The following PCDHA4 variants were observed in gnomAD, a reference collection of about 807,000 sequenced individuals.
PCDHA4 encodes protocadherin alpha-4.
A neutral mutation model predicts 61.4 loss-of-function variants in PCDHA4; 49 were observed. The ratio of observed to expected loss-of-function variants is 0.80; its 90% CI spans 0.63 to 1.01. PCDHA4 has a LOEUF of 1.01. Ranked by LOEUF, PCDHA4 falls within the 50% of genes least tolerant of loss-of-function variation. The pLI, the probability that PCDHA4 is intolerant of heterozygous loss-of-function variation, is 0.00. For synonymous variants in PCDHA4, 590 were observed against 550.3 expected, an observed-to-expected ratio of 1.07 and a Z score of -1.01; for missense variants, 1,254 against 1,235.8, an observed-to-expected ratio of 1.01 and a Z score of -0.22.
At chr5:140,927,975 C>T in intron 1 of PCDHA4, 2 of 1,614,244 alleles carry the variant, frequency 1.2e-6, no homozygotes, top group Non-Finnish European at 1.7e-6. Context: ...TGATTGCTCT[C>T]TTTAGTGTAA....
chr5:140,980,598 C>G (rs574589264), intron 2 of PCDHA4, among the ~76,000 whole-genome samples: 1 of 152,152 alleles, frequency 6.6e-6, no homozygotes, highest in South Asian at 2.1e-4. Flanking sequence ...CCACTGCACT[C>G]CAGCCTGGCG....
At chr5:140,884,496 G>T (rs782182672) in intron 1 of PCDHA4, 1 of 1,614,094 alleles carries the variant, frequency 6.2e-7, no homozygotes, top group Non-Finnish European at 8.5e-7. Flanking sequence ...GTGTGCTCCA[G>T]CGCGGCAGGG....
chr5:140,884,479 C>T, intron 1 of PCDHA4: 1 of 1,613,914 alleles, frequency 6.2e-7, no homozygotes, highest in Non-Finnish European at 8.5e-7. Context: ...CGGGCAAGCC[C>T]ACTCTAGTGT....
In PCDHA4 at chr5:140,900,434, C is replaced by T. The variant is rs545919996; in HGVS notation, c.2386-78515C>T. On this transcript the variant is annotated intron_variant, in intron 1 of 3. Transcript: ENST00000530339. Reference sequence around the variant, plus strand: ...CTGGGATTATAGGCACGTGCCACCACGGCCGGCTAATTTTTTATTTTTAGT... The same window carrying T: ...CTGGGATTATAGGCACGTGCCACCATGGCCGGCTAATTTTTTATTTTTAGT... Among the ~76,000 whole-genome samples, 18 of 152,264 alleles carry T rather than the reference C, an allele frequency of 1.2e-4. No individual in the cohort carries two copies. The East Asian group carries it at 2.5e-3, about 21-fold the overall frequency.
chr5:140,843,338 G>T (rs2150357785), intron 1 of PCDHA4: 1 of 1,596,002 alleles, frequency 6.3e-7, no homozygotes, highest in Non-Finnish European at 8.6e-7. Flanking sequence ...GGTGGAGAGC[G>T]GCCAGGCTCC....
chr5:140,973,073 C>T (rs1372527958), intron 1 of PCDHA4, among the ~76,000 whole-genome samples: 1 of 151,988 alleles, frequency 6.6e-6, no homozygotes, highest in Non-Finnish European at 1.5e-5. Context: ...TCTCAGTGGG[C>T]CCAGCTGGCA....
Position 140,965,675 on chromosome 5 carries a change from A to C in PCDHA4, c.2386-13274A>C, listed in dbSNP as rs1049081993. 1.3e-4 allele frequency among the ~76,000 whole-genome samples: 20 copies of C among 152,350 alleles called. No homozygotes were observed. The Middle Eastern group carries it at 0.01, about 78-fold the overall frequency. ...AAATGTCTTGGGTGATAAATGTAAA[A>C]GATTTGAAGCAAGATTAGAAAAAGC... On this transcript the variant is annotated intron_variant, in intron 1 of 3. Transcript: ENST00000530339.
chr5:140,825,124 C>T (rs1214733618), intron 1 of PCDHA4: 1 of 151,608 alleles, frequency 6.6e-6, no homozygotes, highest in African/African-American at 2.4e-5. Context: ...TTCCCTACCC[C>T]CTTAAAAAAC....
intron 1 of PCDHA4, chr5:140,824,613 T>TG (rs1768224029): frequency 8.2e-6 from 1 of 122,680 alleles, no homozygotes; most frequent in East Asian, 2.1e-4. Flanking sequence ...AATTAAAGTT[T>TG]TTTTTTTTTT....
At chr5:140,881,085 A>G (rs1554171740) in intron 1 of PCDHA4, among the ~76,000 whole-genome samples, 1 of 152,156 alleles carries the variant, frequency 6.6e-6, no homozygotes, top group East Asian at 1.9e-4. Flanking sequence ...GCTATGATAT[A>G]TTTTTCATTA....
intron 1 of PCDHA4, among the ~76,000 whole-genome samples, chr5:140,871,851 A>G (rs561924103): frequency 6.6e-6 from 1 of 152,382 alleles, no homozygotes; most frequent in East Asian, 1.9e-4. Flanking sequence ...AATTATGACC[A>G]TAATAACTAT....
At chr5:140,873,592 T>G (rs936003894) in intron 1 of PCDHA4, among the ~76,000 whole-genome samples, 1 of 152,234 alleles carries the variant, frequency 6.6e-6, no homozygotes, top group African/African-American at 2.4e-5. Flanking sequence ...TAAGCTAAAC[T>G]TAGATGTTCC....
chr5:140,921,283 C>T (rs1484079224), intron 1 of PCDHA4, among the ~76,000 whole-genome samples: 2 of 151,974 alleles, frequency 1.3e-5, no homozygotes, highest in Non-Finnish European at 2.9e-5. Flanking sequence ...TTGAAAAAAA[C>T]CTCAAATTTG....
chr5:140,856,541 G>T lies in PCDHA4; in HGVS notation c.2385+46969G>T, dbSNP rs1554148841. 5.0e-6 allele frequency: 8 copies of T among 1,598,164 alleles called. 2 individuals carry two copies. Among genetic ancestry groups the T allele is most frequent in the South Asian group, 4.4e-5 (4 of 90,522 alleles). On this transcript the variant is annotated intron_variant, in intron 1 of 3. Transcript: ENST00000530339. ...ATCTGATGCGGATGTTGGAGAGAAC[G>T]CATTGCTTACTTACAAACTCAGTCC...
chr5:140,941,936 T>G (rs901567070), intron 1 of PCDHA4, among the ~76,000 whole-genome samples: 7 of 152,362 alleles, frequency 4.6e-5, no homozygotes, highest in Non-Finnish European at 7.3e-5. Flanking sequence ...ATATTTGAAT[T>G]ACTTTTGTTT....
chr5:140,957,333 A>T (rs2095351211), intron 1 of PCDHA4, among the ~76,000 whole-genome samples: 1 of 152,164 alleles, frequency 6.6e-6, no homozygotes, highest in African/African-American at 2.4e-5. Context: ...GTACAGTAAG[A>T]TATTTTGAGA....
chr5:140,836,197 C>A (rs2150255199), intron 1 of PCDHA4: 1 of 1,613,818 alleles, frequency 6.2e-7, no homozygotes. Context: ...GGCTACAACG[C>A]GTGGCTTTCG....
intron 1 of PCDHA4, chr5:140,966,863 C>G: frequency 6.4e-7 from 1 of 1,562,680 alleles, no homozygotes; most frequent in Non-Finnish European, 8.6e-7. Flanking sequence ...GCTGCTGTTG[C>G]TGCTGCTGCT....
chr5:140,840,693 G>A (rs1776820788), intron 1 of PCDHA4, among the ~76,000 whole-genome samples: 1 of 152,026 alleles, frequency 6.6e-6, no homozygotes, highest in Non-Finnish European at 1.5e-5. Flanking sequence ...AAATAAAACG[G>A]TTCAGGCAAT....
Sources: allele counts gnomAD v4.1 joint callset (sites outside exome capture counted in the v4.1 genomes callset), GRCh38; gene constraint gnomAD v4.1.1; transcripts MANE v1.5; gene names NCBI Gene and HGNC (gene_info 2026-07-23, HGNC 2026-07-21).